Variants in PRLR observed in about 807,000 individuals in gnomAD.
PRLR encodes prolactin receptor.
A neutral mutation model predicts 40.2 loss-of-function variants in PRLR; 13 were observed. That is an observed-to-expected ratio of 0.32 (90% CI 0.21 to 0.51). The LOEUF (loss-of-function observed/expected upper bound fraction) is 0.51. Among genes scored for constraint, PRLR ranks in the 20% least tolerant of loss-of-function variants. The probability of loss-of-function intolerance (pLI) is 0.97; values close to 1 mark genes in which losing one functional copy is unlikely to be tolerated. For synonymous variants in PRLR, 269 were observed against 278.7 expected (o/e 0.97, Z 0.35); for missense variants, 656 against 747.3 (o/e 0.88, Z 1.42).
chr5:35,086,067 C>T, intron 4 of PRLR, 141 bp downstream of exon 4: 1 of 1,018,528 alleles, frequency 9.8e-7, no homozygotes. Flanking sequence ...GGGCATGGAC[C>T]TTAGACTCCC....
At chr5:35,205,461 C>T (rs762205563) in intron 1 of PRLR, among the ~76,000 whole-genome samples, 14 of 152,066 alleles carry the variant, frequency 9.2e-5, no homozygotes, top group Non-Finnish European at 1.9e-4. Flanking sequence ...GTAGACAGTT[C>T]ATTCTTTGCC....
chr5:35,163,226 A>C (rs1774727772), intron 1 of PRLR, among the ~76,000 whole-genome samples: 1 of 151,918 alleles, frequency 6.6e-6, no homozygotes, highest in Non-Finnish European at 1.5e-5. Context: ...AATAAATTTC[A>C]TTTTTCTCCC....
At chr5:35,153,955 A>G (rs1774413973) in intron 1 of PRLR, among the ~76,000 whole-genome samples, 1 of 152,222 alleles carries the variant, frequency 6.6e-6, no homozygotes, top group Non-Finnish European at 1.5e-5. Flanking sequence ...GCCTCCAGAA[A>G]GAGCCCACTG....
At chr5:35,140,178 C>T (rs1421896959) in intron 1 of PRLR, among the ~76,000 whole-genome samples, 1 of 152,126 alleles carries the variant, frequency 6.6e-6, no homozygotes, top group Non-Finnish European at 1.5e-5. Context: ...CTGGAAGAAC[C>T]AGATGCAAGT....
At chr5:35,141,476 A>G (rs1774024194) in intron 1 of PRLR, among the ~76,000 whole-genome samples, 1 of 152,194 alleles carries the variant, frequency 6.6e-6, no homozygotes, top group Non-Finnish European at 1.5e-5. Flanking sequence ...GGAGATGAAA[A>G]GACTGAGGCT....
intron 1 of PRLR, among the ~76,000 whole-genome samples, chr5:35,132,232 G>A (rs977214978): frequency 6.6e-6 from 1 of 152,046 alleles, no homozygotes; most frequent in Non-Finnish European, 1.5e-5. Context: ...AGGTCTTTAG[G>A]AAAAGCATTT....
chr5:35,147,589 G>A (rs1454555431), intron 1 of PRLR, among the ~76,000 whole-genome samples: 4 of 152,070 alleles, frequency 2.6e-5, no homozygotes, highest in Admixed American at 6.5e-5. Context: ...CTCAGGATTC[G>A]TTGAGAAAAA....
At chr5:35,072,463 T>C in intron 6 of PRLR, 112 bp downstream of exon 6, 1 of 1,266,434 alleles carries the variant, frequency 7.9e-7, no homozygotes. Context: ...ACAACTGCAT[T>C]GGAGGCCAAC....
At chr5:35,074,782 C>T (rs1769966941) in intron 5 of PRLR, among the ~76,000 whole-genome samples, 1 of 151,940 alleles carries the variant, frequency 6.6e-6, no homozygotes, top group Admixed American at 6.6e-5. Flanking sequence ...AATGAAGTGG[C>T]TTCCTGCTGG....
rs115886359 is a variant in PRLR, at chr5:35,209,976, G to C, written c.-106+20292C>G. 3.1e-3 allele frequency among the ~76,000 whole-genome samples: 471 copies of C among 152,216 alleles called. 4 individuals carry two copies. The highest frequency in any genetic ancestry group is 0.011 in the African/African-American group (449 of 41,546). On this transcript the variant is annotated intron_variant, in intron 1 of 9. Coordinates refer to ENST00000618457, the MANE Select transcript of PRLR (RefSeq NM_000949.7). The stretch of plus-strand genomic sequence containing the variant: ...TCCCTCCACTTCAAATGCCGAAAAG[G>C]CTTCCTCTTGCTCCTTGAGAGCTTG...
At chr5:35,213,268 T>A (rs1188824631) in intron 1 of PRLR, among the ~76,000 whole-genome samples, 1 of 152,200 alleles carries the variant, frequency 6.6e-6, no homozygotes, top group East Asian at 1.9e-4. Flanking sequence ...TCGGTCTTAG[T>A]GACAACACAG....
At chr5:35,098,250 G>A (rs925833608) in intron 2 of PRLR, among the ~76,000 whole-genome samples, 1 of 152,094 alleles carries the variant, frequency 6.6e-6, no homozygotes, top group East Asian at 1.9e-4. Flanking sequence ...AGGTCTCCTT[G>A]CTTTTGTTCT....
intron 1 of PRLR, among the ~76,000 whole-genome samples, chr5:35,202,728 A>G (rs1025720872): frequency 1.4e-4 from 21 of 152,074 alleles, no homozygotes; most frequent in African/African-American, 4.8e-4. Flanking sequence ...GGTGACCATA[A>G]TATGTCTCCT....
chr5:35,066,008 A>G lies in PRLR; in HGVS notation c.950T>C (p.Val317Ala). The G allele has an allele frequency of 6.2e-7, 1 of 1,614,156 alleles. No homozygotes were observed. Among genetic ancestry groups the G allele is most frequent in the African/African-American group, 1.3e-5 (1 of 75,046 alleles). ...TAGATGCTGGTCCTCACTATCATCTACTTCTAAATACTCCACCAGCAAGTC... is the reference window on the plus strand; with the variant it reads ...TAGATGCTGGTCCTCACTATCATCTGCTTCTAAATACTCCACCAGCAAGTC... ...YEDLLVEYLE[V>A]DDSEDQHLMS... The change falls in exon 10 of 10, where the codon GTA becomes GCA. Residue 317 changes from valine to alanine, a missense_variant. By Grantham distance (64) the Val-to-Ala change is moderately conservative. Around this residue, in one of 3 missense-constraint regions of PRLR, gnomAD observed 469 missense variants for 491.5 expected, o/e 0.95. Transcript: ENST00000618457.
intron 2 of PRLR, among the ~76,000 whole-genome samples, chr5:35,092,300 G>C (rs909907504): frequency 1.3e-5 from 2 of 152,180 alleles, no homozygotes; most frequent in African/African-American, 4.8e-5. Flanking sequence ...TCACAGTGGT[G>C]TCACGGTTGT....
At chr5:35,086,429 C>G (rs1579613685) in intron 3 of PRLR, 89 bp from the exon 4 acceptor site, 1 of 1,504,956 alleles carries the variant, frequency 6.6e-7, no homozygotes, top group Non-Finnish European at 9.1e-7. Context: ...ATTGATGGAC[C>G]AAAGCCAGCG....
intron 1 of PRLR, among the ~76,000 whole-genome samples, chr5:35,187,809 C>T (rs1775487373): frequency 2.6e-5 from 4 of 152,152 alleles, no homozygotes; most frequent in African/African-American, 4.8e-5. Flanking sequence ...ACAGGAGCCT[C>T]CCTGTTTACC....
intron 1 of PRLR, among the ~76,000 whole-genome samples, chr5:35,129,596 C>T (rs2111769086): frequency 6.6e-6 from 1 of 152,234 alleles, no homozygotes; most frequent in South Asian, 2.1e-4. Context: ...ATTCCAGAAG[C>T]TTTGCCAAAT....
intron 1 of PRLR, among the ~76,000 whole-genome samples, chr5:35,180,445 C>T (rs1775262946): frequency 6.6e-6 from 1 of 152,182 alleles, no homozygotes; most frequent in African/African-American, 2.4e-5. Flanking sequence ...GGCCATGTGA[C>T]ATACCTGTTG....
Sources: gnomAD v4.1 joint callset for allele counts (sites outside exome capture counted in the v4.1 genomes callset) on GRCh38, gnomAD v4.1.1 for gene constraint, gnomAD v4.1.1 regional missense constraint, MANE v1.5 for transcripts, NCBI Gene and HGNC (gene_info 2026-07-23, HGNC 2026-07-21) for gene names.